URB2: variants seen among roughly 807,000 people sequenced by gnomAD.
The protein encoded by URB2 is URB2 ribosome biogenesis homolog.
Under a neutral mutation model 120.9 loss-of-function variants are expected in URB2, and 86 were observed. The ratio of observed to expected loss-of-function variants is 0.71; its 90% confidence interval spans 0.60 to 0.85. The LOEUF (loss-of-function observed/expected upper bound fraction) is 0.85, where lower values mean the gene tolerates loss of function less well. Ranked by LOEUF, URB2 falls within the 40% of genes least tolerant of loss-of-function variation. The pLI is 0.00. For synonymous variants in URB2, 755 were observed against 758.4 expected, an observed-to-expected ratio of 1.00 and a Z score of 0.07; for missense variants, 1,765 against 1,836.5, an observed-to-expected ratio of 0.96 and a Z score of 0.71.
intron 9 of URB2, among the ~76,000 whole-genome samples, chr1:229,654,796 C>T (rs1270980270): frequency 2.0e-5 from 3 of 152,118 alleles, no homozygotes; most frequent in East Asian, 3.8e-4. Flanking sequence ...AGCAGCATTC[C>T]TACAGGGTTA....
In URB2 at chr1:229,636,057, G is replaced by T; in HGVS notation, c.1444G>T (p.Ala482Ser). 6.2e-7 allele frequency: 1 copy of T among 1,614,210 alleles called. No individual in the cohort carries two copies. The highest frequency in any genetic ancestry group is 8.5e-7 in the Non-Finnish European group (1 of 1,180,028). The change falls in exon 4 of 10, where the codon GCT becomes TCT. Residue 482 changes from alanine (A) to serine (S), a missense_variant. Physicochemically the swap from Ala to Ser is moderately conservative, Grantham distance 99 (BLOSUM62 1). Coordinates refer to ENST00000258243, the MANE Select transcript of URB2 (RefSeq NM_014777.4). ...TTTGGGGGTGATCTGTCGTCCAGCT[G>T]CTGAGGCACTGAGGCAGCCTGTGCT... ...EVLGVICRPA[A>S]EALRQPVLAS...
At position 229,649,597 on chromosome 1, in the gene URB2, A is replaced by C. The variant is rs531271842; in HGVS notation, c.4150-1638A>C. Among the ~76,000 whole-genome samples the C allele has an allele frequency of 6.5e-4, 99 of 152,346 alleles. 2 individuals are homozygous for C. Among genetic ancestry groups the C allele is most frequent in the East Asian group, 3.9e-4 (2 of 5,186 alleles). On this transcript the variant is annotated intron_variant, in intron 7 of 9. Transcript: ENST00000258243. Reference sequence around the variant, plus strand: ...TGTGAATTAATCATAGCTCACTCTCATCTGTTGGGGTTGTGTAGGGAATCT... The same window carrying C: ...TGTGAATTAATCATAGCTCACTCTCCTCTGTTGGGGTTGTGTAGGGAATCT...
chr1:229,658,654 A>G (rs1337687309), intron 9 of URB2, among the ~76,000 whole-genome samples: 1 of 152,120 alleles, frequency 6.6e-6, no homozygotes, highest in African/African-American at 2.4e-5. Context: ...TGTTATGGTG[A>G]ACGTAGTTGT....
chr1:229,659,074 T>G (rs750817979), intron 9 of URB2, 26 bp from the exon 10 acceptor site: 5 of 1,601,898 alleles, frequency 3.1e-6, no homozygotes, highest in Non-Finnish European at 4.3e-6. Context: ...CCAATTGTTC[T>G]CACAGAGGTT....
At chr1:229,629,998 G>A (rs566290127) in intron 2 of URB2, among the ~76,000 whole-genome samples, 4 of 152,314 alleles carry the variant, frequency 2.6e-5, no homozygotes, top group African/African-American at 9.6e-5. Context: ...CCCATCTTCA[G>A]GCTCCACTTC....
Position 229,651,258 on chromosome 1 carries a change from T to G in URB2, c.4173T>G (p.Ser1391=), listed in dbSNP as rs747245790. 6.2e-7 allele frequency: 1 copy of G among 1,611,058 alleles called. No homozygotes were observed. Among genetic ancestry groups the G allele is most frequent in the Non-Finnish European group, 8.5e-7 (1 of 1,178,902 alleles). The stretch of plus-strand genomic sequence containing the variant: ...AGGTAATGCTGAAAGCCATCCCTTC[T>G]TTCTTGAACTCTTTCAATAGATTGG... The part of the protein sequence containing the change: ...HPKVMLKAIP[S]FLNSFNRLVF... Residue 1391 remains serine, a synonymous_variant, in exon 8 of 10, where the codon TCT becomes TCG. Coordinates refer to ENST00000258243, the MANE Select transcript of URB2 (RefSeq NM_014777.4).
chr1:229,640,770 T>C (rs1665990602), intron 4 of URB2, among the ~76,000 whole-genome samples: 1 of 152,222 alleles, frequency 6.6e-6, no homozygotes, highest in Non-Finnish European at 1.5e-5. Flanking sequence ...GTGGATTAAC[T>C]GAAAGGCTTT....
Position 229,637,992 on chromosome 1 carries a change from G to C in URB2, c.3379G>C (p.Asp1127His). ...ATCCGTCAGCACGCTCTTGGAAGCC[G>C]ACCTGGGTCAGCACTGCAGGGATGG... ...ISSVSTLLEA[D>H]LGQHCRDGGA... Residue 1127 changes from aspartate to histidine, a missense_variant, in exon 4 of 10, where the codon GAC (aspartate) becomes CAC (histidine). Coordinates refer to ENST00000258243, the MANE Select transcript of URB2 (RefSeq NM_014777.4). 6.2e-7 allele frequency: 1 copy of C among 1,613,576 alleles called. No homozygotes were observed. The highest frequency in any genetic ancestry group is 8.5e-7 in the Non-Finnish European group (1 of 1,179,778).
At chr1:229,640,274 G>A (rs893243805) in intron 4 of URB2, among the ~76,000 whole-genome samples, 3 of 152,132 alleles carry the variant, frequency 2.0e-5, no homozygotes, top group Non-Finnish European at 2.9e-5. Context: ...GTTTTTGGAG[G>A]CCCATTTAGA....
In URB2 at chr1:229,636,611, C is replaced by T. The variant is rs1043672793; in HGVS notation, c.1998C>T (p.Phe666=). 7 of 1,614,084 alleles carry T rather than the reference C, an allele frequency of 4.3e-6. No individual in the cohort carries two copies. The Admixed American group carries it at 5.0e-5, about 12-fold the overall frequency. The change falls in exon 4 of 10, where the codon TTC becomes TTT. Residue 666 remains phenylalanine (F), a synonymous_variant. Coordinates refer to ENST00000258243, the MANE Select transcript of URB2 (RefSeq NM_014777.4). ...AGATAGAGAAGTTTACAGCTCAGTTCAGCTCTCTTGGTACATATTGCTTAG... is the reference window on the plus strand; with the variant it reads ...AGATAGAGAAGTTTACAGCTCAGTTTAGCTCTCTTGGTACATATTGCTTAG... The part of the protein sequence containing the change: ...WKKIEKFTAQ[F]SSLGTYCLEQ...
chr1:229,652,389 A>G (rs1424422744), intron 8 of URB2, among the ~76,000 whole-genome samples: 2 of 152,174 alleles, frequency 1.3e-5, no homozygotes, highest in East Asian at 1.9e-4. Context: ...GACTGGAAAT[A>G]CAGGAGTGGT....
Position 229,659,149 on chromosome 1 carries a change from T to G in URB2, c.4427T>G (p.Leu1476Arg), listed in dbSNP as rs982869273. ...VKSLLQEGIYLILDLCIEPDV... is the reference protein window; with the variant it reads ...VKSLLQEGIYRILDLCIEPDV... ...AGTCTGCTGCAGGAGGGCATTTACC[T>G]CATCCTGGACCTCTGCATCGAGCCT... Residue 1476 changes from leucine (L) to arginine (R), a missense_variant, in exon 10 of 10, where the codon CTC becomes CGC. Leu to Arg is a moderately radical substitution (Grantham distance 102). Coordinates refer to ENST00000258243, the MANE Select transcript of URB2 (RefSeq NM_014777.4). 2 of 1,612,744 alleles carry G rather than the reference T, an allele frequency of 1.2e-6. No homozygotes were observed. Among genetic ancestry groups the G allele is most frequent in the African/African-American group, 1.3e-5 (1 of 74,866 alleles).
intron 9 of URB2, among the ~76,000 whole-genome samples, chr1:229,655,895 C>G (rs1374357452): frequency 2.6e-5 from 4 of 152,242 alleles, no homozygotes; most frequent in Admixed American, 1.3e-4. Context: ...AGCTGCATCA[C>G]TTTTCATCCC....
rs759840542 is a variant in URB2 at position 229,635,784 on chromosome 1, C to T, written c.1171C>T (p.Arg391Cys). The T allele has an allele frequency of 4.4e-5, 71 of 1,614,038 alleles. No individual in the cohort carries two copies. The highest frequency in any genetic ancestry group is 5.3e-5 in the Non-Finnish European group (63 of 1,180,034). ...CGAAGAGGCTCAGTTCCGCTTTTAC[C>T]GCCACGTGGCTGAGCTGCTGATAAA... The part of the protein sequence containing the change: ...RHEEAQFRFY[R>C]HVAELLINHA... The change falls in exon 4 of 10, where the codon CGC becomes TGC. Residue 391 changes from arginine to cysteine, a missense_variant. Coordinates refer to ENST00000258243, the MANE Select transcript of URB2 (RefSeq NM_014777.4).
At chr1:229,633,734 T>C (rs537938875) in intron 3 of URB2, among the ~76,000 whole-genome samples, 1 of 152,374 alleles carries the variant, frequency 6.6e-6, no homozygotes, top group Admixed American at 6.5e-5. Flanking sequence ...AGAATCTGCC[T>C]GATTCTCATA....
chr1:229,631,937 G>T (rs1665676605), intron 2 of URB2, among the ~76,000 whole-genome samples: 1 of 152,200 alleles, frequency 6.6e-6, no homozygotes, highest in East Asian at 1.9e-4. Context: ...ATTTGTAAAT[G>T]CAATATCTGT....
Position 229,636,610 on chromosome 1 carries a change from T to C in URB2, c.1997T>C (p.Phe666Ser). The change falls in exon 4 of 10, where the codon TTC becomes TCC. Residue 666 changes from phenylalanine (F) to serine (S), a missense_variant. Physicochemically the swap from Phe to Ser is radical, Grantham distance 155. Coordinates refer to ENST00000258243, the MANE Select transcript of URB2 (RefSeq NM_014777.4). ...WKKIEKFTAQ[F>S]SSLGTYCLEQ... is the part of the protein sequence containing the mutation. ...AAGATAGAGAAGTTTACAGCTCAGTTCAGCTCTCTTGGTACATATTGCTTA... is the reference window on the plus strand; with the variant it reads ...AAGATAGAGAAGTTTACAGCTCAGTCCAGCTCTCTTGGTACATATTGCTTA... 6.2e-7 allele frequency: 1 copy of C among 1,614,230 alleles called. No individual in the cohort carries two copies. The highest frequency in any genetic ancestry group is 2.2e-5 in the East Asian group (1 of 44,888).
At chr1:229,645,285 C>CA (rs372675806) in intron 5 of URB2, among the ~76,000 whole-genome samples, 37,612 of 125,950 alleles carry the variant, frequency 0.3, 5,210 homozygotes, top group South Asian at 0.44. Context: ...GACTCGGTCT[C>CA]GAAAAAAAAA....
intron 3 of URB2, among the ~76,000 whole-genome samples, chr1:229,634,614 T>C (rs1665745274): frequency 6.6e-6 from 1 of 152,166 alleles, no homozygotes. Context: ...AAGTGACATT[T>C]GGTATTTAAG....
Sources: allele counts gnomAD v4.1 joint callset (sites outside exome capture counted in the v4.1 genomes callset), GRCh38; gene constraint gnomAD v4.1.1; transcripts MANE v1.5; gene names NCBI Gene and HGNC (gene_info 2026-07-23, HGNC 2026-07-21).